The following SUSD1 variants were observed in gnomAD, a reference collection of about 807,000 sequenced individuals.
The protein encoded by SUSD1 is sushi domain containing 1.
Under a neutral mutation model 86.9 loss-of-function variants are expected in SUSD1, and 65 were observed. The observed-to-expected ratio is 0.75, with a 90% CI of 0.61 to 0.92. The LOEUF is 0.92. Ranked by LOEUF, SUSD1 falls within the 40% of genes least tolerant of loss-of-function variation. The pLI, the probability that SUSD1 is intolerant of heterozygous loss-of-function variation, is 0.00. For missense variants in SUSD1, 850 were observed against 929.7 expected, an observed-to-expected ratio of 0.91 and a Z score of 1.11; for synonymous variants, 346 against 350.0, an observed-to-expected ratio of 0.99 and a Z score of 0.13.
At chr9:112,058,256 A>G (rs762078583) in intron 14 of SUSD1, among the ~76,000 whole-genome samples, 172 bp downstream of exon 14, 12 of 152,226 alleles carry the variant, frequency 7.9e-5, no homozygotes, top group Admixed American at 7.2e-4. Context: ...AATCCATATC[A>G]TCTGTAAGGG....
At chr9:112,134,769 A>T (rs1048070121) in intron 5 of SUSD1, among the ~76,000 whole-genome samples, 22 of 110,210 alleles carry the variant, frequency 2.0e-4, no homozygotes, top group South Asian at 4.9e-4. Context: ...GAAATTATTT[A>T]AAAAAAAAAA....
chr9:112,138,237 G>A (rs373891751), intron 5 of SUSD1, among the ~76,000 whole-genome samples: 46 of 4,148 alleles, frequency 0.011, 4 homozygotes, highest in African/African-American at 0.091. Flanking sequence ...AAAAAAATGT[G>A]TATATATATA....
At chr9:112,061,876 C>T (rs1247463305) in intron 13 of SUSD1, among the ~76,000 whole-genome samples, 2 of 151,928 alleles carry the variant, frequency 1.3e-5, no homozygotes, top group Non-Finnish European at 2.9e-5. Flanking sequence ...GTTGGTGAGG[C>T]CATGTACATT....
chr9:112,053,100 T>C (rs764431599), intron 14 of SUSD1, among the ~76,000 whole-genome samples: 1 of 152,212 alleles, frequency 6.6e-6, no homozygotes, highest in Admixed American at 6.5e-5. Context: ...CAGAGGAAGC[T>C]GCACGGTGAG....
chr9:112,112,825 G>A lies in SUSD1; in HGVS notation c.930C>T (p.Thr310=). 1 of 1,613,200 alleles carries A rather than the reference G, an allele frequency of 6.2e-7. No individual in the cohort carries two copies. Among genetic ancestry groups the A allele is most frequent in the Non-Finnish European group, 8.5e-7 (1 of 1,179,340 alleles). ...TTGAGTTTATTTGCCATCTCACACA[G>A]GTATCATTAAACAGTGATACATCAT... is the stretch of plus-strand genomic sequence containing the variant. ...KINDVSLFND[T]CVRWQINSRR... is the part of the protein sequence containing the mutation. The change falls in exon 7 of 17, where the codon ACC becomes ACT. Residue 310 remains threonine (T), a synonymous_variant. Coordinates refer to ENST00000374270, the MANE Select transcript of SUSD1 (RefSeq NM_022486.5).
intron 10 of SUSD1, among the ~76,000 whole-genome samples, chr9:112,097,846 C>G (rs751323729): frequency 8.6e-5 from 13 of 152,034 alleles, no homozygotes; most frequent in Admixed American, 6.6e-4. Flanking sequence ...TCTGGTTGCC[C>G]GTAAATTTGT....
At chr9:112,162,857 G>T (rs1243079053) in intron 1 of SUSD1, among the ~76,000 whole-genome samples, 1 of 152,054 alleles carries the variant, frequency 6.6e-6, no homozygotes, top group Admixed American at 6.6e-5. Flanking sequence ...CAACCAAATC[G>T]CTGTGGCATA....
intron 14 of SUSD1, among the ~76,000 whole-genome samples, chr9:112,054,763 G>A (rs1828373757): frequency 6.6e-6 from 1 of 152,032 alleles, no homozygotes; most frequent in Non-Finnish European, 1.5e-5. Context: ...AAAGCTTCCT[G>A]AAACCGGATT....
At chr9:112,052,277 TAAAGTAGTATG>T in intron 15 of SUSD1, 111 bp downstream of exon 15, 6 of 1,581,430 alleles carry the variant, frequency 3.8e-6, no homozygotes, top group Non-Finnish European at 5.1e-6. Flanking sequence ...GCTCTTTGCT[TAAAGTAGTATG>T]AATTGGGTTC....
intron 10 of SUSD1, among the ~76,000 whole-genome samples, chr9:112,085,909 G>T (rs1829954555): frequency 6.6e-6 from 1 of 151,944 alleles, no homozygotes; most frequent in African/African-American, 2.4e-5. Flanking sequence ...TTCCAGCCTG[G>T]GTGACAGAGT....
At chr9:112,102,384 A>G (rs868324333) in intron 8 of SUSD1, 99 bp from the exon 9 acceptor site, 3 of 507,912 alleles carry the variant, frequency 5.9e-6, no homozygotes, top group African/African-American at 4.0e-5. Context: ...AAGAGAGCCA[A>G]TTGGGTGTTT....
chr9:112,055,261 A>G (rs1212543451), intron 14 of SUSD1, among the ~76,000 whole-genome samples: 1 of 152,128 alleles, frequency 6.6e-6, no homozygotes, highest in East Asian at 1.9e-4. Flanking sequence ...TCCTGTCTCT[A>G]TGAAAAATGG....
intron 14 of SUSD1, among the ~76,000 whole-genome samples, chr9:112,056,819 G>A (rs1173576157): frequency 6.6e-6 from 1 of 152,010 alleles, no homozygotes; most frequent in African/African-American, 2.4e-5. Flanking sequence ...CCAGGCTCAA[G>A]AAATCTCCTG....
In SUSD1 at chr9:112,058,513, A is replaced by T; in HGVS notation, c.2024T>A (p.Leu675Gln). 1.2e-6 allele frequency: 2 copies of T among 1,614,202 alleles called. No homozygotes were observed. The highest frequency in any genetic ancestry group is 1.7e-6 in the Non-Finnish European group (2 of 1,180,024). ...DAMEIPIGDR[L>Q]YYGEYYNAPL... ...TGCATTATAATATTCCCCATAGTACAGCCTGTCTCCTATAGGTATCTCCAT... is the reference window on the plus strand; with the variant it reads ...TGCATTATAATATTCCCCATAGTACTGCCTGTCTCCTATAGGTATCTCCAT... Residue 675 changes from leucine (L) to glutamine (Q), a missense_variant, in exon 14 of 17, where the codon CTG becomes CAG. Transcript: ENST00000374270.
At position 112,099,040 on chromosome 9, in the gene SUSD1, TC is replaced by T. The variant is rs1830517790; in HGVS notation, c.1282-379del. On this transcript the variant is annotated intron_variant, in intron 9 of 16. Transcript: ENST00000374270. ...TTCTCTCTCTCTCTCTCTCTCTCTCTCTCTCTCTCTCTCTCTGTCTCTTTTC... is the reference window on the plus strand; with the variant it reads ...TTCTCTCTCTCTCTCTCTCTCTCTCTTCTCTCTCTCTCTCTGTCTCTTTTC... Among the ~76,000 whole-genome samples, 3 of 151,398 alleles carry T rather than the reference TC, an allele frequency of 2.0e-5. No individual in the cohort carries two copies. The South Asian group carries it at 6.3e-4, about 32-fold the overall frequency.
chr9:112,161,695 G>A (rs537861347), intron 1 of SUSD1, among the ~76,000 whole-genome samples: 16 of 151,764 alleles, frequency 1.1e-4, no homozygotes, highest in African/African-American at 3.4e-4. Context: ...AGTGGTATGC[G>A]CCTGTAATCC....
intron 5 of SUSD1, among the ~76,000 whole-genome samples, chr9:112,131,655 AC>A (rs1564322586): frequency 6.6e-6 from 1 of 152,020 alleles, no homozygotes; most frequent in Non-Finnish European, 1.5e-5. Context: ...TACATAAAAA[AC>A]CCCCAAAACT....
chr9:112,066,577 GA>G (rs1828988106), intron 12 of SUSD1, among the ~76,000 whole-genome samples: 1 of 152,168 alleles, frequency 6.6e-6, no homozygotes, highest in Admixed American at 6.5e-5. Flanking sequence ...AGAGACCATG[GA>G]AAGCTGCAAC....
intron 10 of SUSD1, among the ~76,000 whole-genome samples, chr9:112,093,893 C>T (rs1334059524): frequency 1.3e-5 from 2 of 152,116 alleles, no homozygotes; most frequent in Admixed American, 1.3e-4. Flanking sequence ...AAGACATAGG[C>T]TTTTTAGGCA....
Sources: allele counts gnomAD v4.1 joint callset (sites outside exome capture counted in the v4.1 genomes callset), GRCh38; gene constraint gnomAD v4.1.1; transcripts MANE v1.5; gene names NCBI Gene and HGNC (gene_info 2026-07-23, HGNC 2026-07-21).